Variants in AK4 observed in about 807,000 individuals in gnomAD.
AK4 encodes adenylate kinase 4.
A neutral mutation model predicts 24.6 loss-of-function variants in AK4; 13 were observed. That is an observed-to-expected ratio of 0.53 (90% CI 0.34 to 0.84). AK4 has a LOEUF of 0.84. Ranked by LOEUF, AK4 falls within the 40% of genes least tolerant of loss-of-function variation. AK4 has a pLI of 0.01. For synonymous variants in AK4, 88 were observed against 107.0 expected (o/e 0.82, Z 1.10); for missense variants, 192 against 288.2 (o/e 0.67, Z 2.42).
chr1:65,222,457 ATTTCTTC>A (rs748709260), intron 3 of AK4, among the ~76,000 whole-genome samples: 2 of 152,086 alleles, frequency 1.3e-5, no homozygotes, highest in African/African-American at 2.4e-5. Context: ...TGCCTAAGTG[ATTTCTTC>A]TTAACTCCTG....
intron 2 of AK4, among the ~76,000 whole-genome samples, chr1:65,214,520 G>A (rs968326213): frequency 3.3e-5 from 5 of 152,074 alleles, no homozygotes; most frequent in African/African-American, 1.2e-4. Context: ...GTAAAGTCCC[G>A]GGATTAAATC....
intron 2 of AK4, among the ~76,000 whole-genome samples, chr1:65,212,542 G>A (rs1324129555): frequency 6.6e-6 from 1 of 152,038 alleles, no homozygotes; most frequent in African/African-American, 2.4e-5. Flanking sequence ...AGGCTGTAGT[G>A]CAGTGGCACA....
chr1:65,222,626 C>A (rs1484358393), intron 3 of AK4, among the ~76,000 whole-genome samples: 4 of 152,078 alleles, frequency 2.6e-5, no homozygotes, highest in African/African-American at 9.7e-5. Flanking sequence ...AAGAAGGTGG[C>A]AATAGAGGTA....
chr1:65,170,289 A>G (rs532448556), intron 1 of AK4, among the ~76,000 whole-genome samples: 1 of 152,126 alleles, frequency 6.6e-6, no homozygotes, highest in East Asian at 1.9e-4. Context: ...AATGGCGTGA[A>G]CCCGGGAGAC....
chr1:65,190,337 C>A (rs6691933), intron 1 of AK4, among the ~76,000 whole-genome samples: 51,291 of 150,880 alleles, frequency 0.34, 9,841 homozygotes, highest in African/African-American at 0.52. Context: ...GCTTGAGCTC[C>A]CTGCAAGTGC....
At chr1:65,164,302 T>G in intron 1 of AK4, among the ~76,000 whole-genome samples, 1 of 152,184 alleles carries the variant, frequency 6.6e-6, no homozygotes, top group East Asian at 1.9e-4. Flanking sequence ...TAGGTCTGAT[T>G]TCTTTCACTG....
At chr1:65,219,351 T>C (rs906176394) in intron 3 of AK4, among the ~76,000 whole-genome samples, 1 of 152,098 alleles carries the variant, frequency 6.6e-6, no homozygotes, top group Non-Finnish European at 1.5e-5. Flanking sequence ...TTTAAGTAAA[T>C]AATTTAATTC....
At chr1:65,222,971 T>A (rs1299925616) in intron 3 of AK4, among the ~76,000 whole-genome samples, 3 of 152,082 alleles carry the variant, frequency 2.0e-5, no homozygotes, top group Admixed American at 6.5e-5. Context: ...CTGGGGAGAT[T>A]AAAACAAATT....
intron 1 of AK4, among the ~76,000 whole-genome samples, chr1:65,183,133 C>T (rs1303271271): frequency 6.6e-6 from 1 of 152,160 alleles, no homozygotes; most frequent in African/African-American, 2.4e-5. Context: ...AACCACAAAA[C>T]TAACCATACC....
chr1:65,155,341 C>T (rs536352981), intron 1 of AK4, among the ~76,000 whole-genome samples: 5 of 152,100 alleles, frequency 3.3e-5, no homozygotes, highest in East Asian at 2.0e-4. Context: ...GGCTTGGTGG[C>T]GTGTGCCTAT....
chr1:65,152,521 G>T (rs1456614172), intron 1 of AK4, among the ~76,000 whole-genome samples: 1 of 145,656 alleles, frequency 6.9e-6, no homozygotes, highest in East Asian at 2.1e-4. Flanking sequence ...TTCTGCCTCA[G>T]CCTCCCGAGT....
chr1:65,153,386 C>T (rs148973527), intron 1 of AK4, among the ~76,000 whole-genome samples: 2 of 152,282 alleles, frequency 1.3e-5, no homozygotes, highest in South Asian at 2.1e-4. Context: ...TGTCTTACCT[C>T]AGCCCCTTAA....
At chr1:65,161,528 T>C (rs1452729668) in intron 1 of AK4, among the ~76,000 whole-genome samples, 1 of 152,198 alleles carries the variant, frequency 6.6e-6, no homozygotes, top group Non-Finnish European at 1.5e-5. Context: ...TCGAAGTCCA[T>C]TTCTACTCTC....
chr1:65,167,806 A>AT (rs570040716), intron 1 of AK4, among the ~76,000 whole-genome samples: 2 of 152,156 alleles, frequency 1.3e-5, no homozygotes, highest in South Asian at 2.1e-4. Flanking sequence ...TTGTTGGAAG[A>AT]TTTTTTTTCC....
chr1:65,206,569 G>C (rs879564882), intron 2 of AK4, among the ~76,000 whole-genome samples: 1 of 152,210 alleles, frequency 6.6e-6, no homozygotes, highest in Admixed American at 6.5e-5. Context: ...CCCCATCTGC[G>C]TGTGCGTGTG....
chr1:65,151,146 G>A (rs1430439591), intron 1 of AK4, among the ~76,000 whole-genome samples: 1 of 152,038 alleles, frequency 6.6e-6, no homozygotes, highest in East Asian at 1.9e-4. Flanking sequence ...TAGAGATAGG[G>A]TTTCACCATC....
chr1:65,149,366 C>T (rs1371057327), intron 1 of AK4, among the ~76,000 whole-genome samples: 1 of 152,166 alleles, frequency 6.6e-6, no homozygotes, highest in Admixed American at 6.5e-5. Context: ...TGAGTGCGTC[C>T]CTTTCCCCCT....
At chr1:65,203,461 A>C (rs1651724916) in intron 2 of AK4, among the ~76,000 whole-genome samples, 1 of 152,182 alleles carries the variant, frequency 6.6e-6, no homozygotes, top group Non-Finnish European at 1.5e-5. Flanking sequence ...CTAATGAATA[A>C]GGATCAACAT....
At chr1:65,185,231 A>G (rs1651057398) in intron 1 of AK4, among the ~76,000 whole-genome samples, 1 of 152,190 alleles carries the variant, frequency 6.6e-6, no homozygotes, top group Non-Finnish European at 1.5e-5. Flanking sequence ...GTAGGCACGT[A>G]AGGCCCCGTG....
Sources: gnomAD v4.1 joint callset for allele counts (sites outside exome capture counted in the v4.1 genomes callset) on GRCh38, gnomAD v4.1.1 for gene constraint, MANE v1.5 for transcripts, NCBI Gene and HGNC (gene_info 2026-07-23, HGNC 2026-07-21) for gene names.